CRB1: variants seen among roughly 807,000 people sequenced by gnomAD.
CRB1 encodes crumbs cell polarity complex component 1.
CRB1 carries 83 observed loss-of-function variants against 120.0 expected under a neutral mutation model. The ratio of observed to expected loss-of-function variants is 0.69; its 90% CI spans 0.58 to 0.83. The LOEUF (loss-of-function observed/expected upper bound fraction) is 0.83, where lower values mean the gene tolerates loss of function less well. Among genes scored for constraint, CRB1 ranks in the 40% least tolerant of loss-of-function variants. CRB1 has a pLI of 0.00. For synonymous variants in CRB1, 625 were observed against 612.5 expected (o/e 1.02, Z -0.30); for missense variants, 1,699 against 1,687.6 (o/e 1.01, Z -0.12).
intron 5 of CRB1, among the ~76,000 whole-genome samples, chr1:197,396,973 G>C (rs1251801534): frequency 3.3e-5 from 5 of 151,960 alleles, no homozygotes; most frequent in Admixed American, 1.3e-4. Flanking sequence ...AAAAGTTTCA[G>C]CTCTTTGAAA....
intron 4 of CRB1, among the ~76,000 whole-genome samples, chr1:197,353,678 G>C (rs774605124): frequency 6.6e-6 from 1 of 152,062 alleles, no homozygotes; most frequent in South Asian, 2.1e-4. Context: ...GCACACGCCT[G>C]TAATCCCAGC....
At chr1:197,416,932 A>G (rs2125460568) in intron 5 of CRB1, among the ~76,000 whole-genome samples, 1 of 151,958 alleles carries the variant, frequency 6.6e-6, no homozygotes, top group African/African-American at 2.4e-5. Context: ...CTGGTCTCAA[A>G]CTCCTGACCT....
chr1:197,348,333 G>A (rs1659892939), intron 4 of CRB1, among the ~76,000 whole-genome samples: 1 of 152,164 alleles, frequency 6.6e-6, no homozygotes, highest in Non-Finnish European at 1.5e-5. Context: ...AGATGTGGAG[G>A]TAGAAGACAG....
chr1:197,298,615 A>G (rs1656679173), intron 1 of CRB1, among the ~76,000 whole-genome samples: 1 of 152,152 alleles, frequency 6.6e-6, no homozygotes, highest in South Asian at 2.1e-4. Flanking sequence ...CTTGGAGGGA[A>G]TATGTCCTAC....
At chr1:197,464,199 G>A (rs1345529) in intron 11 of CRB1, among the ~76,000 whole-genome samples, 70,055 of 151,850 alleles carry the variant, frequency 0.46, 16,783 homozygotes, top group East Asian at 0.66. Flanking sequence ...ACCCAACGCC[G>A]TCAGTGGAAT....
chr1:197,389,228 CA>C (rs1393651214), intron 5 of CRB1, among the ~76,000 whole-genome samples: 1 of 151,992 alleles, frequency 6.6e-6, no homozygotes, highest in Non-Finnish European at 1.5e-5. Flanking sequence ...AGAGGGGCAG[CA>C]TTATTCACAA....
chr1:197,406,469 A>C (rs1377777499), intron 5 of CRB1, among the ~76,000 whole-genome samples: 1 of 152,016 alleles, frequency 6.6e-6, no homozygotes. Context: ...GCCTAGGAAA[A>C]CCAGAGACCT....
the CRB1 span, among the ~76,000 whole-genome samples, chr1:197,224,744 G>T: frequency 2.0e-5 from 3 of 151,854 alleles, no homozygotes; most frequent in Non-Finnish European, 4.4e-5. Flanking sequence ...ATATTATTAA[G>T]TTTTATAGTT....
chr1:197,451,896 G>A (rs1252459382), intron 11 of CRB1, among the ~76,000 whole-genome samples: 1 of 152,182 alleles, frequency 6.6e-6, no homozygotes, highest in Non-Finnish European at 1.5e-5. Context: ...ATATGCCACT[G>A]AAACATTAGA....
intron 11 of CRB1, among the ~76,000 whole-genome samples, chr1:197,476,498 TA>T (rs1667204707): frequency 6.6e-6 from 1 of 152,038 alleles, no homozygotes; most frequent in Non-Finnish European, 1.5e-5. Context: ...ATGCTCATAG[TA>T]AATGGTCAAT....
chr1:197,310,020 T>C (rs1657421313), intron 1 of CRB1, among the ~76,000 whole-genome samples: 1 of 152,140 alleles, frequency 6.6e-6, no homozygotes, highest in African/African-American at 2.4e-5. Context: ...AAACCAGTGA[T>C]TTTTGTGTAT....
intron 11 of CRB1, among the ~76,000 whole-genome samples, chr1:197,453,852 T>TATTGATAATAATATATAATAA (rs1467903887): frequency 2.8e-5 from 4 of 141,952 alleles, no homozygotes; most frequent in African/African-American, 7.8e-5. Flanking sequence ...AATATTATTA[T>TATTGATAATAATATATAATAA]TAATATATAT....
intron 5 of CRB1, among the ~76,000 whole-genome samples, chr1:197,396,106 G>C (rs1662759265): frequency 6.6e-6 from 1 of 152,080 alleles, no homozygotes; most frequent in Non-Finnish European, 1.5e-5. Context: ...CAAAGAATTT[G>C]CCAAAAAGAG....
At chr1:197,386,638 A>AT in intron 5 of CRB1, among the ~76,000 whole-genome samples, 1 of 152,320 alleles carries the variant, frequency 6.6e-6, no homozygotes, top group South Asian at 2.1e-4. Flanking sequence ...GACTGCAAGA[A>AT]ATAATAGTCT....
At chr1:197,453,545 GAGAGAC>G (rs140893863) in intron 11 of CRB1, among the ~76,000 whole-genome samples, 222 of 120,052 alleles carry the variant, frequency 1.8e-3, no homozygotes, top group East Asian at 0.01. Flanking sequence ...TATATAGAGA[GAGAGAC>G]AGAGAGAGAG....
the CRB1 span, among the ~76,000 whole-genome samples, chr1:197,252,576 A>ATG: frequency 3.8e-3 from 134 of 35,030 alleles, no homozygotes; most frequent in African/African-American, 6.4e-3. Flanking sequence ...ATATATATAT[A>ATG]TATATATGTG....
the CRB1 span, among the ~76,000 whole-genome samples, chr1:197,212,806 A>G: frequency 6.6e-6 from 1 of 152,148 alleles, no homozygotes; most frequent in Non-Finnish European, 1.5e-5. Flanking sequence ...GAACAGAGAC[A>G]CACAATGAAA....
intron 1 of CRB1, among the ~76,000 whole-genome samples, chr1:197,313,088 C>T (rs1423317676): frequency 6.6e-6 from 1 of 152,106 alleles, no homozygotes; most frequent in East Asian, 1.9e-4. Context: ...ACAATCATGG[C>T]CAAAGGTGAA....
chr1:197,268,224 A>G (rs1558018489), upstream of CRB1: 4 of 587,394 alleles, frequency 6.8e-6, no homozygotes, highest in East Asian at 1.2e-4. Context: ...AAGTGATGCT[A>G]AGAAGCACAA....
Sources: gnomAD v4.1 joint callset for allele counts (sites outside exome capture counted in the v4.1 genomes callset) on GRCh38, gnomAD v4.1.1 for gene constraint, MANE v1.5 for transcripts, NCBI Gene and HGNC (gene_info 2026-07-23, HGNC 2026-07-21) for gene names.